The following KIAA1217 variants were observed in gnomAD, a reference collection of about 807,000 sequenced individuals.
KIAA1217 encodes sickle tail protein homolog.
KIAA1217 carries 88 observed loss-of-function variants against 163.9 expected under a neutral mutation model. The ratio of observed to expected loss-of-function variants is 0.54; its 90% confidence interval spans 0.45 to 0.64. The LOEUF (loss-of-function observed/expected upper bound fraction) is 0.64, where lower values mean the gene tolerates loss of function less well. Ranked by LOEUF, KIAA1217 falls within the 30% of genes least tolerant of loss-of-function variation. KIAA1217 has a pLI of 0.00. For missense variants in KIAA1217, 2,372 were observed against 2,475.0 expected (o/e 0.96, Z 0.88); for synonymous variants, 903 against 923.1 (o/e 0.98, Z 0.39).
At chr10:24,364,915 C>G (rs1383000502) in intron 2 of KIAA1217, among the ~76,000 whole-genome samples, 1 of 152,062 alleles carries the variant, frequency 6.6e-6, no homozygotes, top group African/African-American at 2.4e-5. Flanking sequence ...CCTCCCCCCT[C>G]AGCCCCCTCG....
intron 1 of KIAA1217, among the ~76,000 whole-genome samples, chr10:23,772,343 G>T (rs886742174): frequency 2.6e-5 from 4 of 152,124 alleles, no homozygotes; most frequent in South Asian, 2.1e-4. Context: ...AACCTTCATG[G>T]TTATTCTACT....
intron 2 of KIAA1217, among the ~76,000 whole-genome samples, chr10:24,056,598 A>T (rs552899601): frequency 1.5e-4 from 23 of 152,350 alleles, no homozygotes; most frequent in African/African-American, 5.5e-4. Flanking sequence ...TGGAGGCAGA[A>T]AATGAAAATC....
intron 10 of KIAA1217, among the ~76,000 whole-genome samples, chr10:24,519,383 G>A (rs533359716): frequency 1.3e-5 from 2 of 152,222 alleles, no homozygotes; most frequent in East Asian, 1.9e-4. Context: ...CACGTCTGTC[G>A]TCATTTTTAT....
chr10:23,913,777 A>T (rs1048604432), intron 1 of KIAA1217, among the ~76,000 whole-genome samples: 1 of 151,924 alleles, frequency 6.6e-6, no homozygotes, highest in East Asian at 1.9e-4. Context: ...CCCTTTTCTC[A>T]TTCTGTTTTT....
At chr10:24,317,169 A>G (rs2043497008) in intron 2 of KIAA1217, among the ~76,000 whole-genome samples, 1 of 152,208 alleles carries the variant, frequency 6.6e-6, no homozygotes, top group Admixed American at 6.5e-5. Context: ...GAGAGCAGAA[A>G]TGATTGATTA....
intron 5 of KIAA1217, among the ~76,000 whole-genome samples, chr10:24,468,890 T>C (rs2063210214): frequency 6.6e-6 from 1 of 152,258 alleles, no homozygotes; most frequent in African/African-American, 2.4e-5. Flanking sequence ...TCTATTGAGA[T>C]ATTCTAGTTA....
At chr10:24,276,430 A>T (rs35647297) in intron 2 of KIAA1217, among the ~76,000 whole-genome samples, 48,059 of 152,074 alleles carry the variant, frequency 0.32, 8,384 homozygotes, top group Admixed American at 0.47. Context: ...CCTGAGGAAA[A>T]CTGGGTTTGA....
intron 1 of KIAA1217, among the ~76,000 whole-genome samples, chr10:23,870,913 T>G (rs1219791696): frequency 2.0e-5 from 3 of 152,128 alleles, no homozygotes; most frequent in Non-Finnish European, 4.4e-5. Context: ...AAGCCAAGGA[T>G]AAGTGAAATT....
intron 2 of KIAA1217, among the ~76,000 whole-genome samples, chr10:24,306,321 C>T (rs2042002679): frequency 6.6e-6 from 1 of 152,182 alleles, no homozygotes; most frequent in African/African-American, 2.4e-5. Context: ...TGGTTCTGTG[C>T]ATGATCTGTT....
In KIAA1217 at chr10:23,818,022, T is replaced by TAC. The variant is rs1211094876; in HGVS notation, c.-321+122794_-321+122795dup. Among the ~76,000 whole-genome samples the TAC allele has an allele frequency of 1.4e-4, 18 of 128,740 alleles. No individual in the cohort carries two copies. In the South Asian group the frequency reaches 4.3e-3, roughly 31 times the overall value. The allele number at this position is 128,740 out of a possible 152,430, so 84.5% of individuals were successfully genotyped here. On this transcript the variant is annotated intron_variant, in intron 1 of 18. Transcript: ENST00000376462. The stretch of plus-strand genomic sequence containing the variant: ...ATATATATATATACACACATATATA[T>TAC]ACACACATATATATACATATATATA...
At chr10:23,721,420 A>G (rs1837868341) in intron 1 of KIAA1217, among the ~76,000 whole-genome samples, 1 of 152,208 alleles carries the variant, frequency 6.6e-6, no homozygotes, top group Non-Finnish European at 1.5e-5. Flanking sequence ...AATAATAGGT[A>G]AGACATTATA....
chr10:23,849,517 T>G (rs938184932), intron 1 of KIAA1217, among the ~76,000 whole-genome samples: 1 of 152,042 alleles, frequency 6.6e-6, no homozygotes, highest in Non-Finnish European at 1.5e-5. Flanking sequence ...AGGAATATTC[T>G]CAAAGTTGGT....
chr10:24,538,683 CTGAACCCA>C (rs1163138907), intron 17 of KIAA1217, among the ~76,000 whole-genome samples: 1 of 149,526 alleles, frequency 6.7e-6, no homozygotes, highest in Non-Finnish European at 1.5e-5. Context: ...CTAATTTGAA[CTGAACCCA>C]TGAAACCATG....
rs145902051 is a variant in KIAA1217 at position 23,734,285 on chromosome 10, CTTT to C, written c.-321+39064_-321+39066del. ...ATTGCCTTTGAATTTAGATTTAAAC[CTTT>C]TTTTTTTTTTTTAAATAAGACAGAG... On this transcript the variant is annotated intron_variant, in intron 1 of 18. Coordinates refer to the KIAA1217 transcript ENST00000376462. Among the ~76,000 whole-genome samples the C allele has an allele frequency of 3.9e-3, 559 of 143,826 alleles. 5 individuals are homozygous for C. Among genetic ancestry groups the C allele is most frequent in the African/African-American group, 0.013 (505 of 39,290 alleles). 94.4% of individuals were successfully genotyped at this position (143,826 alleles called of 152,430 possible). A position where few individuals can be genotyped will look rare whatever the true frequency, so the allele number is the denominator to read the frequency against.
intron 1 of KIAA1217, among the ~76,000 whole-genome samples, chr10:23,922,008 AC>A (rs1194724999): frequency 6.6e-6 from 1 of 152,036 alleles, no homozygotes; most frequent in Non-Finnish European, 1.5e-5. Flanking sequence ...TGCCAGAGGT[AC>A]CAGCCATGTG....
chr10:24,033,369 T>C (rs902828219), intron 2 of KIAA1217, among the ~76,000 whole-genome samples: 1 of 152,154 alleles, frequency 6.6e-6, no homozygotes, highest in Non-Finnish European at 1.5e-5. Flanking sequence ...ATCCAAGCAC[T>C]CAAACCATGC....
intron 2 of KIAA1217, among the ~76,000 whole-genome samples, chr10:24,115,207 G>A (rs1327005194): frequency 6.6e-6 from 1 of 152,234 alleles, no homozygotes; most frequent in Non-Finnish European, 1.5e-5. Context: ...ACTCAGCACA[G>A]CACCTGCGTA....
intron 1 of KIAA1217, among the ~76,000 whole-genome samples, chr10:23,874,867 A>T (rs545670884): frequency 6.6e-6 from 1 of 152,166 alleles, no homozygotes; most frequent in African/African-American, 2.4e-5. Context: ...TGAGTAATTT[A>T]TAAGGAAAAG....
At chr10:23,844,695 CTCTTT>C (rs922775823) in intron 1 of KIAA1217, among the ~76,000 whole-genome samples, 19 of 151,500 alleles carry the variant, frequency 1.3e-4, no homozygotes, top group African/African-American at 2.2e-4. Context: ...GTTCTAGGTC[CTCTTT>C]TCTTTTCTTT....
Sources: allele counts gnomAD v4.1 joint callset (sites outside exome capture counted in the v4.1 genomes callset), GRCh38; gene constraint gnomAD v4.1.1; transcripts MANE v1.5; gene names NCBI Gene and HGNC (gene_info 2026-07-23, HGNC 2026-07-21).